Variants in FAM135B observed in about 807,000 individuals in gnomAD.
FAM135B encodes the protein protein FAM135B.
FAM135B carries 43 observed loss-of-function variants against 127.7 expected under a neutral mutation model. The observed-to-expected ratio is 0.34, with a 90% CI of 0.26 to 0.43. FAM135B has a LOEUF of 0.43. Among genes scored for constraint, FAM135B ranks in the 20% least tolerant of loss-of-function variants. FAM135B has a pLI of 1.00. For missense variants in FAM135B, 1,558 were observed against 1,725.6 expected (o/e 0.90, Z 1.72); for synonymous variants, 670 against 665.1 (o/e 1.01, Z -0.11).
At chr8:138,354,304 C>T (rs1205308404) in intron 2 of FAM135B, among the ~76,000 whole-genome samples, 2 of 152,096 alleles carry the variant, frequency 1.3e-5, no homozygotes, top group African/African-American at 2.4e-5. Context: ...ATCCCTCCTA[C>T]TCTATCAAAA....
intron 2 of FAM135B, among the ~76,000 whole-genome samples, chr8:138,359,862 C>A (rs1830311251): frequency 6.6e-6 from 1 of 152,168 alleles, no homozygotes; most frequent in Non-Finnish European, 1.5e-5. Flanking sequence ...AAGCACTTGA[C>A]TTTCAACTCA....
At chr8:138,200,589 C>A (rs1817035781) in intron 7 of FAM135B, among the ~76,000 whole-genome samples, 1 of 152,280 alleles carries the variant, frequency 6.6e-6, no homozygotes, top group Non-Finnish European at 1.5e-5. Context: ...AACAAAACCC[C>A]ATCAATATCA....
intron 2 of FAM135B, among the ~76,000 whole-genome samples, chr8:138,329,727 A>T (rs570394579): frequency 5.3e-5 from 8 of 152,302 alleles, no homozygotes; most frequent in African/African-American, 1.9e-4. Context: ...GTGAGGGTTC[A>T]CGAAGCAGTA....
chr8:138,393,221 A>T (rs11783458), intron 1 of FAM135B, among the ~76,000 whole-genome samples: 1 of 152,198 alleles, frequency 6.6e-6, no homozygotes, highest in Non-Finnish European at 1.5e-5. Flanking sequence ...TTATGGGTGT[A>T]CAATTCAAGA....
chr8:138,412,634 C>T (rs1519391), intron 1 of FAM135B, among the ~76,000 whole-genome samples: 13,273 of 152,210 alleles, frequency 0.087, 986 homozygotes, highest in East Asian at 0.26. Flanking sequence ...CTTGCACCCA[C>T]GCATGTCTAT....
At chr8:138,257,888 A>AC (rs1274748076) in intron 4 of FAM135B, among the ~76,000 whole-genome samples, 1 of 142,032 alleles carries the variant, frequency 7.0e-6, no homozygotes, top group Non-Finnish European at 1.6e-5. Flanking sequence ...TAAAAAATAA[A>AC]AAAAAAAATA....
intron 3 of FAM135B, among the ~76,000 whole-genome samples, chr8:138,282,718 A>T (rs752001493): frequency 6.6e-6 from 1 of 152,230 alleles, no homozygotes; most frequent in East Asian, 1.9e-4. Context: ...AATAACTCTC[A>T]TTCACGACAT....
chr8:138,151,163 G>T (rs766495578), intron 13 of FAM135B, 31 bp downstream of exon 13: 5 of 1,469,160 alleles, frequency 3.4e-6, no homozygotes, highest in Non-Finnish European at 4.5e-6. Flanking sequence ...AAAGACTGTT[G>T]TGGGAAAGGT....
chr8:138,464,405 C>CA (rs1249415471), intron 1 of FAM135B, among the ~76,000 whole-genome samples: 1 of 152,134 alleles, frequency 6.6e-6, no homozygotes, highest in Non-Finnish European at 1.5e-5. Context: ...ACCTCCCCCC[C>CA]AACACATGGC....
intron 2 of FAM135B, among the ~76,000 whole-genome samples, chr8:138,320,825 T>G (rs1827402093): frequency 1.3e-5 from 2 of 152,192 alleles, no homozygotes; most frequent in South Asian, 4.1e-4. Context: ...CAAACAATGG[T>G]GTTCTACAAT....
At chr8:138,290,522 T>C (rs752703338) in intron 3 of FAM135B, among the ~76,000 whole-genome samples, 5 of 152,200 alleles carry the variant, frequency 3.3e-5, no homozygotes, top group Non-Finnish European at 5.9e-5. Context: ...TGAATTATTG[T>C]TATTTTCTCT....
Position 138,144,971 on chromosome 8 carries a change from T to C in FAM135B, c.3540+988A>G, listed in dbSNP as rs969411768. 2.0e-5 allele frequency among the ~76,000 whole-genome samples: 3 copies of C among 152,324 alleles called. 1 individual carries two copies. Among genetic ancestry groups the C allele is most frequent in the Admixed American group, 6.5e-5 (1 of 15,290 alleles). ...TCACTCACTTCCCTGCTCCCTCCTC[T>C]GACTGGCCTGGTTATCCTATTTTAT... On this transcript the variant is annotated intron_variant, in intron 15 of 19. Coordinates refer to ENST00000395297, the MANE Select transcript of FAM135B (RefSeq NM_015912.4).
chr8:138,425,284 G>A (rs1834775707), intron 1 of FAM135B, among the ~76,000 whole-genome samples: 1 of 152,170 alleles, frequency 6.6e-6, no homozygotes, highest in Non-Finnish European at 1.5e-5. Context: ...AAAAGACTCA[G>A]AGCACTAGCA....
chr8:138,232,501 G>A (rs910362935), intron 7 of FAM135B, among the ~76,000 whole-genome samples: 5 of 152,166 alleles, frequency 3.3e-5, no homozygotes, highest in African/African-American at 9.7e-5. Context: ...GGATTCATAT[G>A]CAGATTGATG....
intron 2 of FAM135B, among the ~76,000 whole-genome samples, chr8:138,343,970 G>C (rs545080642): frequency 1.3e-5 from 2 of 152,040 alleles, no homozygotes; most frequent in African/African-American, 4.8e-5. Context: ...GCAGATCTTC[G>C]AGGCTTGTGC....
chr8:138,151,934 G>T lies in FAM135B; in HGVS notation c.2541C>A (p.Ile847=), dbSNP rs1449738993. The T allele has an allele frequency of 6.2e-7, 1 of 1,614,170 alleles. No homozygotes were observed. Among genetic ancestry groups the T allele is most frequent in the Non-Finnish European group, 8.5e-7 (1 of 1,180,036 alleles). ...DNQQGPGYID[I]PKGKGKQFDA... is the part of the protein sequence containing the mutation. ...CAAACTGCTTCCCTTTCCCTTTGGG[G>T]ATGTCTATGTATCCGGGGCCCTGCT... The change falls in exon 13 of 20, where the codon ATC becomes ATA. Residue 847 remains isoleucine, a synonymous_variant. Coordinates refer to ENST00000395297, the MANE Select transcript of FAM135B (RefSeq NM_015912.4).
chr8:138,258,925 G>A (rs1366686169), intron 4 of FAM135B, among the ~76,000 whole-genome samples: 1 of 152,038 alleles, frequency 6.6e-6, no homozygotes. Flanking sequence ...CGACCAGGAA[G>A]CAGTTTTGCA....
chr8:138,150,363 T>C (rs948343641), intron 13 of FAM135B, among the ~76,000 whole-genome samples: 1 of 152,144 alleles, frequency 6.6e-6, no homozygotes, highest in Non-Finnish European at 1.5e-5. Flanking sequence ...AGTTATAATA[T>C]TCGTAATAAA....
intron 2 of FAM135B, among the ~76,000 whole-genome samples, chr8:138,318,396 A>G (rs762282355): frequency 6.6e-6 from 1 of 152,136 alleles, no homozygotes; most frequent in Non-Finnish European, 1.5e-5. Flanking sequence ...CTCCCATCCC[A>G]CTGCACTTGA....
Sources: allele counts gnomAD v4.1 joint callset (sites outside exome capture counted in the v4.1 genomes callset), GRCh38; gene constraint gnomAD v4.1.1; transcripts MANE v1.5; gene names NCBI Gene and HGNC (gene_info 2026-07-23, HGNC 2026-07-21).